Variants in CNTNAP5 observed in about 807,000 individuals in gnomAD.
CNTNAP5 encodes the protein contactin-associated protein-like 5.
Under a neutral mutation model 150.2 loss-of-function variants are expected in CNTNAP5, and 72 were observed. That is an observed-to-expected ratio of 0.48 (90% CI 0.40 to 0.58). The LOEUF (loss-of-function observed/expected upper bound fraction) is 0.58. Among genes scored for constraint, CNTNAP5 ranks in the 20% least tolerant of loss-of-function variants. The pLI, the probability that CNTNAP5 is intolerant of heterozygous loss-of-function variation, is 0.00. For missense variants in CNTNAP5, 1,636 were observed against 1,626.2 expected (o/e 1.01, Z -0.10); for synonymous variants, 672 against 619.8 (o/e 1.08, Z -1.25).
intron 19 of CNTNAP5, among the ~76,000 whole-genome samples, chr2:124,817,395 C>A (rs1307971249): frequency 1.3e-5 from 2 of 151,846 alleles, no homozygotes; most frequent in Admixed American, 1.3e-4. Flanking sequence ...TACAATTATT[C>A]CTTATACTTC....
chr2:124,822,074 C>T (rs1682503096), intron 19 of CNTNAP5, among the ~76,000 whole-genome samples: 2 of 151,454 alleles, frequency 1.3e-5, no homozygotes, highest in South Asian at 4.2e-4. Context: ...ATTACCCAGC[C>T]ATTTAGTCCA....
rs546770733 is a variant in CNTNAP5 at position 124,502,969 on chromosome 2, A to G, written c.1063-1323A>G. 1.3e-4 allele frequency among the ~76,000 whole-genome samples: 20 copies of G among 152,316 alleles called. No homozygotes were observed. The South Asian group carries it at 3.9e-3, about 30-fold the overall frequency. ...ACCCTTTAAATGAAGAAAATAATAC[A>G]TTACGGCATTGTTGTGCAGAATTCA... On this transcript the variant is annotated intron_variant, in intron 7 of 23. Transcript: ENST00000682447.
At chr2:124,770,504 C>G (rs1199562686) in intron 16 of CNTNAP5, among the ~76,000 whole-genome samples, 1 of 152,150 alleles carries the variant, frequency 6.6e-6, no homozygotes, top group Non-Finnish European at 1.5e-5. Flanking sequence ...CATTCCTCAC[C>G]CAAATTCTCA....
intron 1 of CNTNAP5, among the ~76,000 whole-genome samples, chr2:124,034,825 A>G (rs1054680180): frequency 6.6e-6 from 1 of 152,190 alleles, no homozygotes; most frequent in Admixed American, 6.5e-5. Context: ...AGGCAGATGG[A>G]CCTAGAATTG....
intron 16 of CNTNAP5, among the ~76,000 whole-genome samples, chr2:124,764,901 A>G (rs970123516): frequency 3.3e-5 from 5 of 152,178 alleles, no homozygotes; most frequent in Admixed American, 2.6e-4. Flanking sequence ...CTCTGTTGCG[A>G]TCATAGTAAC....
rs1304067065 is a variant in CNTNAP5, at chr2:124,562,542, C to G, written c.1650-675C>G. Among the ~76,000 whole-genome samples, 8 of 152,140 alleles carry G rather than the reference C, an allele frequency of 5.3e-5. 1 individual carries two copies. The highest frequency in any genetic ancestry group is 1.9e-4 in the African/African-American group (8 of 41,452). ...TTGAACAATAGCCTTAAGACAAGGT[C>G]ATCTCAGTGTGATTGCTGATTCTAA... On this transcript the variant is annotated intron_variant, in intron 10 of 23. Coordinates refer to ENST00000682447, the MANE Select transcript of CNTNAP5 (RefSeq NM_001367498.1).
intron 21 of CNTNAP5, among the ~76,000 whole-genome samples, chr2:124,888,683 T>A (rs1174449512): frequency 1.3e-5 from 2 of 152,180 alleles, no homozygotes; most frequent in African/African-American, 4.8e-5. Flanking sequence ...TTGATTTGCA[T>A]CTCTCTAACA....
At chr2:124,500,533 G>C (rs1422692623) in intron 7 of CNTNAP5, among the ~76,000 whole-genome samples, 1 of 152,110 alleles carries the variant, frequency 6.6e-6, no homozygotes. Flanking sequence ...TATCCAAGGA[G>C]GTCAGACCAA....
intron 2 of CNTNAP5, among the ~76,000 whole-genome samples, chr2:124,235,956 T>A (rs1227560035): frequency 7.7e-6 from 1 of 129,222 alleles, no homozygotes; most frequent in Admixed American, 7.5e-5. Flanking sequence ...TATTTATTTA[T>A]TTATTTATTT....
chr2:124,640,747 C>T (rs1180826425), intron 12 of CNTNAP5, among the ~76,000 whole-genome samples: 3 of 152,158 alleles, frequency 2.0e-5, no homozygotes, highest in Non-Finnish European at 4.4e-5. Flanking sequence ...GAAATAATCT[C>T]TTCACATCCT....
chr2:124,674,235 T>G (rs768126647), intron 13 of CNTNAP5, among the ~76,000 whole-genome samples: 28 of 152,344 alleles, frequency 1.8e-4, no homozygotes, highest in East Asian at 5.8e-4. Flanking sequence ...GTGTGTAATC[T>G]TTAATATTCC....
At chr2:124,552,825 T>C (rs895443316) in intron 10 of CNTNAP5, among the ~76,000 whole-genome samples, 2 of 152,214 alleles carry the variant, frequency 1.3e-5, no homozygotes, top group Admixed American at 6.5e-5. Flanking sequence ...TTAACAGTTT[T>C]CCAGTCCATT....
chr2:124,432,332 G>A (rs1425422386), intron 4 of CNTNAP5, among the ~76,000 whole-genome samples: 1 of 152,184 alleles, frequency 6.6e-6, no homozygotes, highest in Non-Finnish European at 1.5e-5. Flanking sequence ...GCCTCCTGCA[G>A]TACTGAGATG....
intron 3 of CNTNAP5, among the ~76,000 whole-genome samples, chr2:124,254,041 T>G (rs940720909): frequency 2.0e-5 from 3 of 152,180 alleles, no homozygotes; most frequent in Admixed American, 2.0e-4. Flanking sequence ...CTGGGCAGCA[T>G]TTTATATCCT....
At chr2:124,291,897 G>A (rs1276917208) in intron 3 of CNTNAP5, among the ~76,000 whole-genome samples, 3 of 152,078 alleles carry the variant, frequency 2.0e-5, no homozygotes, top group Non-Finnish European at 4.4e-5. Flanking sequence ...TTTCTCCCAA[G>A]TAAACAATCT....
chr2:124,498,056 C>A (rs1694193560), intron 7 of CNTNAP5, among the ~76,000 whole-genome samples: 1 of 152,172 alleles, frequency 6.6e-6, no homozygotes, highest in African/African-American at 2.4e-5. Flanking sequence ...ACTGCAATAT[C>A]TCCTTTTGGA....
In CNTNAP5 at chr2:124,916,844, G is replaced by T. The variant is rs1678779246; in HGVS notation, c.*2556G>T. ...ACGTCACTCCTATAAGTAGTCTCAG[G>T]GCTAAAGCAGAATTATTTTTACAGG... is the stretch of plus-strand genomic sequence containing the variant. On this transcript the variant is annotated 3_prime_UTR_variant, in exon 24 of 24. Transcript: ENST00000682447. Among the ~76,000 whole-genome samples, 1 of 151,872 alleles carries T rather than the reference G, an allele frequency of 6.6e-6. No individual in the cohort carries two copies. Among genetic ancestry groups the T allele is most frequent in the Non-Finnish European group, 1.5e-5 (1 of 67,956 alleles).
chr2:124,685,016 A>G (rs1679158699), intron 13 of CNTNAP5, among the ~76,000 whole-genome samples: 1 of 152,002 alleles, frequency 6.6e-6, no homozygotes, highest in Non-Finnish European at 1.5e-5. Flanking sequence ...CTTTGTCCTT[A>G]TTACCCACTT....
chr2:124,519,335 G>T (rs966104381), intron 8 of CNTNAP5, among the ~76,000 whole-genome samples: 1 of 152,106 alleles, frequency 6.6e-6, no homozygotes, highest in Non-Finnish European at 1.5e-5. Flanking sequence ...GACATATATG[G>T]TATGTGAATT....
Sources: allele counts gnomAD v4.1 joint callset (sites outside exome capture counted in the v4.1 genomes callset), GRCh38; gene constraint gnomAD v4.1.1; transcripts MANE v1.5; gene names NCBI Gene and HGNC (gene_info 2026-07-23, HGNC 2026-07-21).